Variants in CDKAL1 observed in about 807,000 individuals in gnomAD.
CDKAL1 encodes CDKAL1 threonylcarbamoyladenosine tRNA methylthiotransferase.
Under a neutral mutation model 68.2 loss-of-function variants are expected in CDKAL1, and 32 were observed. The observed-to-expected ratio is 0.47, with a 90% CI of 0.35 to 0.63. CDKAL1 has a LOEUF of 0.63. CDKAL1 is among the 30% of genes least tolerant of loss of function. CDKAL1 has a pLI of 0.00. For missense variants in CDKAL1, 606 were observed against 696.7 expected, an observed-to-expected ratio of 0.87 and a Z score of 1.47; for synonymous variants, 234 against 244.3, an observed-to-expected ratio of 0.96 and a Z score of 0.39.
At chr6:20,558,153 A>C (rs560523969) in intron 4 of CDKAL1, among the ~76,000 whole-genome samples, 1 of 152,338 alleles carries the variant, frequency 6.6e-6, no homozygotes, top group South Asian at 2.1e-4. Flanking sequence ...ATCTGATAGC[A>C]TAGAGGTAGT....
intron 5 of CDKAL1, among the ~76,000 whole-genome samples, chr6:20,715,106 A>G (rs1772029185): frequency 6.6e-6 from 1 of 152,202 alleles, no homozygotes; most frequent in Non-Finnish European, 1.5e-5. Flanking sequence ...TGAATATAAT[A>G]CAACATTATT....
chr6:20,746,505 T>C (rs1325495210), intron 6 of CDKAL1, among the ~76,000 whole-genome samples: 2 of 152,238 alleles, frequency 1.3e-5, no homozygotes, highest in African/African-American at 4.8e-5. Flanking sequence ...GCTTAGTGAC[T>C]GCTGTCAGCT....
In CDKAL1 at chr6:20,749,535, A is replaced by G. The variant is rs150321871; in HGVS notation, c.469-9060A>G. 2.7e-3 allele frequency among the ~76,000 whole-genome samples: 400 copies of G among 148,666 alleles called. 4 individuals are homozygous for G. Among genetic ancestry groups the G allele is most frequent in the African/African-American group, 9.4e-3 (377 of 40,028 alleles). On this transcript the variant is annotated intron_variant, in intron 6 of 15. Coordinates refer to ENST00000274695, the MANE Select transcript of CDKAL1 (RefSeq NM_017774.3). ...CTCTACCTCCTACCACTAATCCCAG[A>G]TTTTCTTTTTTTTCTTTTCTTTTTT...
intron 13 of CDKAL1, among the ~76,000 whole-genome samples, chr6:21,118,996 T>C (rs1249299712): frequency 1.3e-5 from 2 of 152,194 alleles, no homozygotes; most frequent in African/African-American, 4.8e-5. Context: ...TTTTTTTATC[T>C]TTATTATTTA....
chr6:20,839,250 A>C (rs1207777750), intron 8 of CDKAL1, among the ~76,000 whole-genome samples: 1 of 152,158 alleles, frequency 6.6e-6, no homozygotes, highest in Non-Finnish European at 1.5e-5. Flanking sequence ...ATAAAATGAG[A>C]AATATAAGGA....
At chr6:20,989,212 C>T (rs1346014541) in intron 10 of CDKAL1, among the ~76,000 whole-genome samples, 1 of 152,192 alleles carries the variant, frequency 6.6e-6, no homozygotes, top group African/African-American at 2.4e-5. Context: ...GACTGCCTAA[C>T]ACTGAGTAAG....
chr6:20,576,179 T>C (rs574198074), intron 4 of CDKAL1, among the ~76,000 whole-genome samples: 2 of 152,328 alleles, frequency 1.3e-5, no homozygotes, highest in African/African-American at 2.4e-5. Flanking sequence ...GAAGAATAAA[T>C]AGCTGAGTTA....
intron 13 of CDKAL1, among the ~76,000 whole-genome samples, chr6:21,115,694 A>G (rs1774369655): frequency 6.6e-6 from 1 of 152,244 alleles, no homozygotes; most frequent in African/African-American, 2.4e-5. Flanking sequence ...TTTTATTGAT[A>G]CATGTCCTTA....
At chr6:21,167,819 G>A (rs1221836188) in intron 13 of CDKAL1, among the ~76,000 whole-genome samples, 2 of 152,176 alleles carry the variant, frequency 1.3e-5, no homozygotes, top group Non-Finnish European at 2.9e-5. Context: ...CCTTACTCAA[G>A]GAGACACAAG....
intron 8 of CDKAL1, among the ~76,000 whole-genome samples, chr6:20,811,619 AG>A (rs1776819668): frequency 6.6e-6 from 1 of 152,200 alleles, no homozygotes; most frequent in Non-Finnish European, 1.5e-5. Flanking sequence ...GCACTTGACC[AG>A]AATTCAGCAT....
intron 6 of CDKAL1, among the ~76,000 whole-genome samples, chr6:20,753,945 G>A (rs1033531664): frequency 3.5e-5 from 5 of 141,502 alleles, no homozygotes; most frequent in African/African-American, 1.1e-4. Context: ...ACCAACACTC[G>A]TTATTATCTG....
chr6:20,642,097 G>A (rs925965893), intron 4 of CDKAL1, among the ~76,000 whole-genome samples: 8 of 151,898 alleles, frequency 5.3e-5, no homozygotes, highest in South Asian at 2.1e-4. Flanking sequence ...AAAATTATGC[G>A]AGATCAATGT....
chr6:20,710,052 A>C lies in CDKAL1; in HGVS notation c.372-29467A>C, dbSNP rs369592487. Among the ~76,000 whole-genome samples, 9 of 152,246 alleles carry C rather than the reference A, an allele frequency of 5.9e-5. 1 individual carries two copies. Among genetic ancestry groups the C allele is most frequent in the African/African-American group, 1.9e-4 (8 of 41,562 alleles). ...CCATATGAATTAACCTTTATAAATA[A>C]ATTTCTAAAGACTGTTGATTTCCTG... On this transcript the variant is annotated intron_variant, in intron 5 of 15. Coordinates refer to ENST00000274695, the MANE Select transcript of CDKAL1 (RefSeq NM_017774.3).
chr6:20,983,739 T>A (rs1485143311), intron 10 of CDKAL1, among the ~76,000 whole-genome samples: 1 of 152,090 alleles, frequency 6.6e-6, no homozygotes, highest in Non-Finnish European at 1.5e-5. Flanking sequence ...CCCAAAAAGC[T>A]ACATAATATA....
In CDKAL1 at chr6:20,602,738, C is replaced by G. The variant is rs1045694318; in HGVS notation, c.287-46555C>G. ...CTTACTTACTGATTCAGCAGCCTCACTTGGTTGTTCTTTGATTCCCTGGGA... is the reference window on the plus strand; with the variant it reads ...CTTACTTACTGATTCAGCAGCCTCAGTTGGTTGTTCTTTGATTCCCTGGGA... On this transcript the variant is annotated intron_variant, in intron 4 of 15. Transcript: ENST00000274695. Among the ~76,000 whole-genome samples, 80 of 152,150 alleles carry G rather than the reference C, an allele frequency of 5.3e-4. 2 individuals carry two copies. The highest frequency in any genetic ancestry group is 2.4e-5 in the African/African-American group (1 of 41,430).
At chr6:20,744,595 A>G (rs190854788) in intron 6 of CDKAL1, among the ~76,000 whole-genome samples, 4 of 152,234 alleles carry the variant, frequency 2.6e-5, no homozygotes, top group Non-Finnish European at 4.4e-5. Context: ...AGTGAGATCA[A>G]TTAGTTGGGA....
intron 13 of CDKAL1, among the ~76,000 whole-genome samples, chr6:21,182,737 A>G (rs978331308): frequency 6.6e-6 from 1 of 152,222 alleles, no homozygotes; most frequent in Non-Finnish European, 1.5e-5. Context: ...TGAATATGCA[A>G]TTGAAAAACA....
intron 7 of CDKAL1, among the ~76,000 whole-genome samples, chr6:20,763,252 C>T (rs535944829): frequency 6.6e-6 from 1 of 152,266 alleles, no homozygotes; most frequent in Non-Finnish European, 1.5e-5. Context: ...TTTCCTTACC[C>T]TAAGGTCACA....
At chr6:21,074,697 A>G (rs1379124916) in intron 12 of CDKAL1, among the ~76,000 whole-genome samples, 1 of 152,176 alleles carries the variant, frequency 6.6e-6, no homozygotes, top group African/African-American at 2.4e-5. Context: ...TGTCTACTCT[A>G]CCAGTCTTAG....
Sources: gnomAD v4.1 joint callset for allele counts (sites outside exome capture counted in the v4.1 genomes callset) on GRCh38, gnomAD v4.1.1 for gene constraint, MANE v1.5 for transcripts, NCBI Gene and HGNC (gene_info 2026-07-23, HGNC 2026-07-21) for gene names.